The following COL14A1 variants were observed in gnomAD, a reference collection of about 807,000 sequenced individuals.
The protein encoded by COL14A1 is collagen type XIV alpha 1 chain.
In COL14A1, 136 loss-of-function variants were observed where a neutral mutation model predicts 230.3. That is an observed-to-expected ratio of 0.59 (90% CI 0.51 to 0.68). COL14A1 has a LOEUF of 0.68. Ranked by LOEUF, COL14A1 falls within the 30% of genes least tolerant of loss-of-function variation. The pLI, the probability that COL14A1 is intolerant of heterozygous loss-of-function variation, is 0.00. For missense variants in COL14A1, 1,976 were observed against 2,215.8 expected (o/e 0.89, Z 2.17); for synonymous variants, 792 against 784.1 (o/e 1.01, Z -0.17).
intron 37 of COL14A1, among the ~76,000 whole-genome samples, chr8:120,311,021 G>GT (rs1279543306): frequency 6.6e-6 from 1 of 152,128 alleles, no homozygotes; most frequent in African/African-American, 2.4e-5. Flanking sequence ...ACATTGCAAG[G>GT]TTTTTTACCA....
In COL14A1 at chr8:120,278,187, T is replaced by C; in HGVS notation, c.3290T>C (p.Leu1097Pro). The change falls in exon 27 of 48, where the codon CTT becomes CCT. Residue 1097 changes from leucine to proline, a missense_variant. Around this residue, in one of 3 missense-constraint regions of COL14A1, gnomAD observed 1,791 missense variants for 2,019.5 expected, o/e 0.89. Transcript: ENST00000297848. ...LNAYKTKETL[L>P]DAIKHISYKG... ...GCTTACAAAACCAAAGAGACTCTTC[T>C]TGATGCAATTAAACACATTTCATAC... 1 of 1,612,034 alleles carries C rather than the reference T, an allele frequency of 6.2e-7. No homozygotes were observed. Among genetic ancestry groups the C allele is most frequent in the Non-Finnish European group, 8.5e-7 (1 of 1,179,014 alleles).
chr8:120,158,521 T>C (rs1258286126), intron 3 of COL14A1, among the ~76,000 whole-genome samples: 1 of 152,192 alleles, frequency 6.6e-6, no homozygotes, highest in African/African-American at 2.4e-5. Flanking sequence ...TTTGAATTCA[T>C]TGGAACTTAA....
At chr8:120,292,528 C>T (rs1703481364) in intron 34 of COL14A1, among the ~76,000 whole-genome samples, 2 of 152,096 alleles carry the variant, frequency 1.3e-5, no homozygotes, top group African/African-American at 4.8e-5. Flanking sequence ...TGATTGGAAA[C>T]TCAGACTTGC....
chr8:120,265,348 A>T (rs1454283062), intron 24 of COL14A1, among the ~76,000 whole-genome samples: 3 of 152,172 alleles, frequency 2.0e-5, no homozygotes, highest in Admixed American at 1.3e-4. Flanking sequence ...TTTAAAATTT[A>T]AAAAATGGCT....
At chr8:120,147,743 A>T in intron 1 of COL14A1, 63 bp from the exon 2 acceptor site, 2 of 827,108 alleles carry the variant, frequency 2.4e-6, no homozygotes, top group Non-Finnish European at 3.9e-6. Flanking sequence ...CGCCTGTCCT[A>T]AATGATTACA....
Position 120,216,467 on chromosome 8 carries a change from G to T in COL14A1, c.1714G>T (p.Ala572Ser). The T allele has an allele frequency of 6.2e-7, 1 of 1,610,986 alleles. No individual in the cohort carries two copies. The highest frequency in any genetic ancestry group is 8.5e-7 in the Non-Finnish European group (1 of 1,178,982). Residue 572 changes from alanine to serine, a missense_variant, in exon 14 of 48, where the codon GCA becomes TCA. By Grantham distance (99) the Ala-to-Ser change is moderately conservative. This residue lies in a region of COL14A1 where 1,791 missense variants were observed against 2,019.5 expected (regional missense o/e 0.89). Coordinates refer to ENST00000297848, the MANE Select transcript of COL14A1 (RefSeq NM_021110.4). ...INGYRIVYNN[A>S]DGTEINEVEV... ...TGGTTATCGAATTGTATATAACAAT[G>T]CAGATGGGACTGAAATCAATGAGGT...
At chr8:120,359,751 C>T (rs568495976) in intron 45 of COL14A1, among the ~76,000 whole-genome samples, 6 of 152,102 alleles carry the variant, frequency 3.9e-5, no homozygotes, top group Non-Finnish European at 7.3e-5. Context: ...ACAAAAAGCC[C>T]GGATTCCTGA....
intron 31 of COL14A1, among the ~76,000 whole-genome samples, chr8:120,281,558 C>T (rs1820040283): frequency 8.4e-6 from 1 of 118,662 alleles, no homozygotes; most frequent in African/African-American, 3.9e-5. Context: ...GAGCAAGACC[C>T]CGTCTTTAAA....
chr8:120,334,169 T>G (rs926861713), intron 42 of COL14A1, among the ~76,000 whole-genome samples: 1 of 152,242 alleles, frequency 6.6e-6, no homozygotes, highest in Non-Finnish European at 1.5e-5. Flanking sequence ...CCTCTTATTC[T>G]TGAAACTCAT....
intron 42 of COL14A1, among the ~76,000 whole-genome samples, chr8:120,333,655 A>G (rs558987595): frequency 4.6e-5 from 7 of 152,342 alleles, no homozygotes; most frequent in African/African-American, 1.7e-4. Flanking sequence ...CAAATTTGTT[A>G]TCTTACAGTT....
intron 42 of COL14A1, among the ~76,000 whole-genome samples, chr8:120,335,769 G>A (rs1168385232): frequency 6.6e-6 from 1 of 152,178 alleles, no homozygotes; most frequent in Non-Finnish European, 1.5e-5. Context: ...TCCTAATTCC[G>A]ATCTAAGTTT....
intron 26 of COL14A1, among the ~76,000 whole-genome samples, chr8:120,271,985 G>T (rs888733342): frequency 6.6e-6 from 1 of 151,550 alleles, no homozygotes; most frequent in African/African-American, 2.4e-5. Context: ...TGGTGGCCTG[G>T]ACTAGGGTGG....
intron 37 of COL14A1, among the ~76,000 whole-genome samples, chr8:120,311,683 G>C (rs998917279): frequency 1.3e-5 from 2 of 152,156 alleles, no homozygotes; most frequent in African/African-American, 2.4e-5. Flanking sequence ...TAAGAATTTG[G>C]AAGGACAAAG....
At position 120,278,596 on chromosome 8, in the gene COL14A1, T is replaced by C. The variant is rs1223184108; in HGVS notation, c.3481+18T>C. ...ATTAGATGGTAAGATATATAAACAA[T>C]AGTGGCTACCAAATATGATGTTAGA... On this transcript the variant is annotated intron_variant, in intron 28 of 47. Transcript: ENST00000297848. 13 of 1,603,916 alleles carry C rather than the reference T, an allele frequency of 8.1e-6. No individual in the cohort carries two copies. The highest frequency in any genetic ancestry group is 1.1e-5 in the South Asian group (1 of 89,770).
chr8:120,265,136 T>C (rs1386681751), intron 24 of COL14A1, among the ~76,000 whole-genome samples: 1 of 152,074 alleles, frequency 6.6e-6, no homozygotes, highest in Non-Finnish European at 1.5e-5. Context: ...ATATAGAATA[T>C]AAACATGTGT....
At chr8:120,226,583 T>C (rs1818102031) in intron 15 of COL14A1, 44 bp from the exon 16 acceptor site, 1 of 1,607,616 alleles carries the variant, frequency 6.2e-7, no homozygotes, top group Non-Finnish European at 8.5e-7. Context: ...TTGGCTTTCT[T>C]GCCTTCTCAT....
At chr8:120,223,850 AG>A (rs1215971638) in intron 14 of COL14A1, among the ~76,000 whole-genome samples, 1 of 151,892 alleles carries the variant, frequency 6.6e-6, no homozygotes, top group Non-Finnish European at 1.5e-5. Flanking sequence ...AGTCCTTGTG[AG>A]GATTAAAGAG....
At chr8:120,230,674 T>C (rs1586787154) in intron 18 of COL14A1, among the ~76,000 whole-genome samples, 1 of 152,148 alleles carries the variant, frequency 6.6e-6, no homozygotes, top group African/African-American at 2.4e-5. Flanking sequence ...TGTGACACTT[T>C]TACTATTTTT....
chr8:120,244,956 C>T (rs538733374), intron 20 of COL14A1, among the ~76,000 whole-genome samples: 3 of 152,256 alleles, frequency 2.0e-5, no homozygotes, highest in African/African-American at 7.2e-5. Flanking sequence ...TGGATCCTGC[C>T]GATCTCTTTG....
Sources: gnomAD v4.1 joint callset for allele counts (sites outside exome capture counted in the v4.1 genomes callset) on GRCh38, gnomAD v4.1.1 for gene constraint, gnomAD v4.1.1 regional missense constraint, MANE v1.5 for transcripts, NCBI Gene and HGNC (gene_info 2026-07-23, HGNC 2026-07-21) for gene names.